Variants in PMF1 observed in about 807,000 individuals in gnomAD.
PMF1 encodes polyamine modulated factor 1.
PMF1 carries 21 observed loss-of-function variants against 26.7 expected under a neutral mutation model. The observed-to-expected ratio is 0.79, with a 90% CI of 0.56 to 1.13. The LOEUF is 1.13. Ranked by LOEUF, PMF1 falls within the 50% of genes most tolerant of loss-of-function variation. PMF1 has a pLI of 0.00. For missense variants in PMF1, 266 were observed against 254.9 expected (o/e 1.04, Z -0.30); for synonymous variants, 105 against 101.0 (o/e 1.04, Z -0.24).
Position 156,239,691 on chromosome 1 carries a change from G to C in PMF1, c.*90G>C, listed in dbSNP as rs893399685. On this transcript the variant is annotated 3_prime_UTR_variant, in exon 5 of 5. Transcript: ENST00000368277. ...GCCTGGGCGGGCTACCTCTGAGAAC[G>C]GCTGAAATGGTGCCCAGTCCATCAG... 2.0e-6 allele frequency: 2 copies of C among 1,025,086 alleles called. No individual in the cohort carries two copies. The highest frequency in any genetic ancestry group is 1.6e-5 in the African/African-American group (1 of 63,326). The allele number at this position is 1,025,086 out of a possible 1,614,324, so 63.5% of individuals were successfully genotyped here.
At chr1:156,236,750 A>G in intron 4 of PMF1, 4 of 498,066 alleles carry the variant, frequency 8.0e-6, no homozygotes, top group Non-Finnish European at 1.4e-5. Flanking sequence ...CAGAGAGGGC[A>G]GGTGAGTCAC....
intron 3 of PMF1, among the ~76,000 whole-genome samples, 192 bp downstream of exon 3, chr1:156,233,920 C>T (rs547545478): frequency 3.7e-4 from 56 of 151,926 alleles, no homozygotes; most frequent in Non-Finnish European, 6.8e-4. Flanking sequence ...CTGGACAGTT[C>T]AGCTTCTTGA....
At chr1:156,231,468 T>TGA (rs1658703881) in intron 1 of PMF1, among the ~76,000 whole-genome samples, 1 of 151,648 alleles carries the variant, frequency 6.6e-6, no homozygotes, top group South Asian at 2.1e-4. Flanking sequence ...TTTGGGAGGC[T>TGA]GAGGCGGGTG....
Position 156,239,650 on chromosome 1 carries a change from T to C in PMF1, c.*49T>C. ...GAGGGCAGTCAAGGTCAAGAGCCTG[T>C]GGTCCAGCATGCCTGGCCTGGGCGG... On this transcript the variant is annotated 3_prime_UTR_variant, in exon 5 of 5. Coordinates refer to ENST00000368277, the MANE Select transcript of PMF1 (RefSeq NM_007221.4). 2 of 1,504,934 alleles carry C rather than the reference T, an allele frequency of 1.3e-6. No homozygotes were observed. The highest frequency in any genetic ancestry group is 1.1e-5 in the South Asian group (1 of 88,516). 93.2% of individuals were successfully genotyped at this position (1,504,934 alleles called of 1,614,324 possible).
intron 3 of PMF1, 103 bp downstream of exon 3, chr1:156,233,831 G>C: frequency 8.8e-7 from 1 of 1,131,244 alleles, no homozygotes; most frequent in Admixed American, 2.5e-5. Flanking sequence ...GGCCAGGCTG[G>C]TCACAAACTC....
In PMF1 at chr1:156,237,451, T is replaced by TTC. The variant is rs1659089750; in HGVS notation, c.564+969_564+970insCT. On this transcript the variant is annotated intron_variant, in intron 4 of 4. Coordinates refer to ENST00000368277, the MANE Select transcript of PMF1 (RefSeq NM_007221.4). ...ACCAGCATGTTATTTTTTGTCTTTT[T>TTC]TTTTTTTTTTTTTTAGACAGAGTCT... Among the ~76,000 whole-genome samples, 3 of 147,950 alleles carry TTC rather than the reference T, an allele frequency of 2.0e-5. No homozygotes were observed. In the South Asian group the frequency reaches 6.4e-4, roughly 32 times the overall value.
chr1:156,219,249 A>C (rs1043164801), intron 1 of PMF1, among the ~76,000 whole-genome samples: 4 of 152,190 alleles, frequency 2.6e-5, no homozygotes, highest in African/African-American at 7.2e-5. Flanking sequence ...TATAAAGGCT[A>C]TGCCCACATC....
chr1:156,228,288 T>TTTTTTTC (rs1371074585), intron 1 of PMF1, among the ~76,000 whole-genome samples: 2 of 143,882 alleles, frequency 1.4e-5, no homozygotes, highest in Non-Finnish European at 3.0e-5. Context: ...TTTTTTTTTT[T>TTTTTTTC]AGTGTATCAC....
chr1:156,218,861 AT>A (rs1432822199), intron 1 of PMF1, among the ~76,000 whole-genome samples: 18 of 151,824 alleles, frequency 1.2e-4, no homozygotes, highest in Non-Finnish European at 2.1e-4. Flanking sequence ...AATTACTTCC[AT>A]TCATTTTTTT....
At position 156,239,592 on chromosome 1, in the gene PMF1, G is replaced by T. The variant is rs1045059204; in HGVS notation, c.609G>T (p.Glu203Asp). Residue 203 changes from glutamate (E) to aspartate (D), a missense_variant, in exon 5 of 5, where the codon GAG becomes GAT. Physicochemically the swap from Glu to Asp is conservative, Grantham distance 45 (BLOSUM62 2). Coordinates refer to ENST00000368277, the MANE Select transcript of PMF1 (RefSeq NM_007221.4). ...GGGAGCTGGTTGCTGTGCTGAGGGAGCCTGAGTGAGGAGACCGCCAGCCCC... is the reference window on the plus strand; with the variant it reads ...GGGAGCTGGTTGCTGTGCTGAGGGATCCTGAGTGAGGAGACCGCCAGCCCC... ...EQRELVAVLR[E>D]PE 3.1e-6 allele frequency: 5 copies of T among 1,612,374 alleles called. No homozygotes were observed. The highest frequency in any genetic ancestry group is 1.7e-5 in the Admixed American group (1 of 59,970).
At chr1:156,232,029 G>A (rs746912395) in intron 1 of PMF1, among the ~76,000 whole-genome samples, 1 of 152,196 alleles carries the variant, frequency 6.6e-6, no homozygotes, top group Non-Finnish European at 1.5e-5. Context: ...CCTAACCCGA[G>A]AGCTTGCTAG....
chr1:156,239,527 G>A (rs749188316), intron 4 of PMF1, 21 bp from the exon 5 acceptor site: 4 of 1,609,450 alleles, frequency 2.5e-6, no homozygotes, highest in South Asian at 1.1e-5. Context: ...CAGTTTGTCT[G>A]TTGTCTCCCA....
chr1:156,222,532 G>T (rs889962890), intron 1 of PMF1, among the ~76,000 whole-genome samples: 1 of 152,176 alleles, frequency 6.6e-6, no homozygotes, highest in Non-Finnish European at 1.5e-5. Flanking sequence ...ACAGGCATGA[G>T]CCACCACGCC....
intron 1 of PMF1, among the ~76,000 whole-genome samples, chr1:156,229,337 T>G (rs934135031): frequency 8.6e-5 from 13 of 152,012 alleles, no homozygotes; most frequent in Admixed American, 3.3e-4. Flanking sequence ...CAACCAGCTC[T>G]CTGAAAAGAG....
chr1:156,216,322 C>T (rs551084366), intron 1 of PMF1, among the ~76,000 whole-genome samples: 2 of 152,168 alleles, frequency 1.3e-5, no homozygotes, highest in South Asian at 2.1e-4. Context: ...ACCTGGGAAG[C>T]GGAGGTTTCA....
At chr1:156,239,521 TTGTC>T (rs767205140) in intron 4 of PMF1, 23 bp from the exon 5 acceptor site, 18 of 1,604,636 alleles carry the variant, frequency 1.1e-5, no homozygotes, top group Non-Finnish European at 1.5e-5. Context: ...AGATCCCAGT[TTGTC>T]TGTTGTCTCC....
chr1:156,215,813 C>A (rs1210003117), intron 1 of PMF1, among the ~76,000 whole-genome samples: 1 of 152,034 alleles, frequency 6.6e-6, no homozygotes, highest in Non-Finnish European at 1.5e-5. Context: ...CTCAGCCTCC[C>A]GAGTGGCTGG....
rs71080753 is a variant in PMF1 at position 156,231,216 on chromosome 1, CAAAAAAAAAAAAAA to C, written c.162-1090_162-1077del. Among the ~76,000 whole-genome samples the C allele has an allele frequency of 8.5e-4, 41 of 48,414 alleles. 1 individual carries two copies. The highest frequency in any genetic ancestry group is 3.2e-3 in the African/African-American group (38 of 11,856). 31.8% of individuals were successfully genotyped at this position (48,414 alleles called of 152,430 possible). ...TGGGCGACAGAGCAAGACTCCATCT[CAAAAAAAAAAAAAA>C]AAAAAAAAAAAAAGAATTAGCTGGT... On this transcript the variant is annotated intron_variant, in intron 1 of 4. Coordinates refer to ENST00000368277, the MANE Select transcript of PMF1 (RefSeq NM_007221.4).
chr1:156,219,145 C>T (rs1657942819), intron 1 of PMF1, among the ~76,000 whole-genome samples: 1 of 151,968 alleles, frequency 6.6e-6, no homozygotes, highest in African/African-American at 2.4e-5. Context: ...TCTCAAACTC[C>T]TGACCTCAGG....
Sources: allele counts gnomAD v4.1 joint callset (sites outside exome capture counted in the v4.1 genomes callset), GRCh38; gene constraint gnomAD v4.1.1; transcripts MANE v1.5; gene names NCBI Gene and HGNC (gene_info 2026-07-23, HGNC 2026-07-21).